PALD1: variants seen among roughly 807,000 people sequenced by gnomAD.
The protein encoded by PALD1 is phosphatase domain containing paladin 1.
In PALD1, 57 loss-of-function variants were observed where a neutral mutation model predicts 96.0. That is an observed-to-expected ratio of 0.59 (90% CI 0.48 to 0.74). PALD1 has a LOEUF of 0.74. Ranked by LOEUF, PALD1 falls within the 30% of genes least tolerant of loss-of-function variation. PALD1 has a pLI of 0.00. For synonymous variants in PALD1, 464 were observed against 473.6 expected, an observed-to-expected ratio of 0.98 and a Z score of 0.26; for missense variants, 1,063 against 1,143.7, an observed-to-expected ratio of 0.93 and a Z score of 1.02.
In PALD1 at chr10:70,538,285, G is replaced by T; in HGVS notation, c.1329G>T (p.Pro443=). Reference sequence around the variant, plus strand: ...CTCTCTGCCTCGGGCTGCAGTACCCGCTGGCCTTTGCCCTCAGTTTCAGCC... The same window carrying T: ...CTCTCTGCCTCGGGCTGCAGTACCCTCTGGCCTTTGCCCTCAGTTTCAGCC... ...LFNYYLHEQY[P]LAFALSFSRW... is the part of the protein sequence containing the mutation. The change falls in exon 12 of 20, where the codon CCG becomes CCT. Residue 443 remains proline, a synonymous_variant. Coordinates refer to ENST00000263563, the MANE Select transcript of PALD1 (RefSeq NM_014431.3). 6.2e-7 allele frequency: 1 copy of T among 1,602,080 alleles called. No individual in the cohort carries two copies. The highest frequency in any genetic ancestry group is 1.1e-5 in the South Asian group (1 of 91,064).
At chr10:70,536,498 G>A (rs1009197119) in intron 10 of PALD1, among the ~76,000 whole-genome samples, 1 of 152,200 alleles carries the variant, frequency 6.6e-6, no homozygotes, top group Non-Finnish European at 1.5e-5. Context: ...AGGCTGTTGT[G>A]TATTTAGGAT....
In PALD1 at chr10:70,479,016, CG is replaced by C. The variant is rs1372024614; in HGVS notation, c.-71del. On this transcript the variant is annotated 5_prime_UTR_variant, in exon 1 of 20. It removes the in-frame stop codon of an upstream open reading frame in the 5' UTR. Coordinates refer to ENST00000263563, the MANE Select transcript of PALD1 (RefSeq NM_014431.3). ...CGCCCGCAGTTCGGGCGCAGCACGC[CG>C]GCCGCAGGAGCACGGATGCCCCCCG... is the stretch of plus-strand genomic sequence containing the variant. 6.6e-6 allele frequency: 1 copy of C among 152,052 alleles called. No homozygotes were observed. The highest frequency in any genetic ancestry group is 1.5e-5 in the Non-Finnish European group (1 of 68,032). 9.4% of individuals were successfully genotyped at this position (152,052 alleles called of 1,614,324 possible).
At chr10:70,463,222 G>A in the PALD1 span, among the ~76,000 whole-genome samples, 1 of 152,168 alleles carries the variant, frequency 6.6e-6, no homozygotes, top group African/African-American at 2.4e-5. Flanking sequence ...GGCTAACACG[G>A]TGAAAACCCA....
chr10:70,547,141 C>A (rs1009075218), intron 17 of PALD1, among the ~76,000 whole-genome samples, 165 bp from the exon 18 acceptor site: 7 of 152,258 alleles, frequency 4.6e-5, no homozygotes, highest in African/African-American at 1.7e-4. Flanking sequence ...TGTTCAGGAT[C>A]CCCCTGTCCT....
rs149620522 is a variant in PALD1, at chr10:70,508,843, C to CTCTGTGTGTGTGTGTG, written c.-29-17079_-29-17078insCTGTGTGTGTGTGTGT. Among the ~76,000 whole-genome samples the CTCTGTGTGTGTGTGTG allele has an allele frequency of 9.5e-5, 9 of 94,612 alleles. 1 individual carries two copies. The East Asian group carries it at 2.2e-3, about 23-fold the overall frequency. The allele number at this position is 94,612 out of a possible 152,430, so 62.1% of individuals were successfully genotyped here. ...TGCAGGCCTGTGGGAGCTGCGGAAC[C>CTCTGTGTGTGTGTGTG]TGTGTGTGTGTGTGCAGGCCTGTGG... On this transcript the variant is annotated intron_variant, in intron 1 of 19. Transcript: ENST00000263563.
At chr10:70,513,025 T>C (rs1328053572) in intron 1 of PALD1, among the ~76,000 whole-genome samples, 6 of 152,236 alleles carry the variant, frequency 3.9e-5, no homozygotes, top group Non-Finnish European at 7.3e-5. Flanking sequence ...TTTTTGCCTG[T>C]GGGCCACAAG....
At chr10:70,516,967 A>T (rs924130248) in intron 1 of PALD1, among the ~76,000 whole-genome samples, 1 of 151,992 alleles carries the variant, frequency 6.6e-6, no homozygotes, top group East Asian at 1.9e-4. Context: ...GACCAGCCAG[A>T]TTTCCAGGGC....
At position 70,525,586 on chromosome 10, in the gene PALD1, C is replaced by G. The variant is rs375992597; in HGVS notation, c.-29-337C>G. Among the ~76,000 whole-genome samples the G allele has an allele frequency of 1.1e-4, 17 of 152,200 alleles. No individual in the cohort carries two copies. In the South Asian group the frequency reaches 1.5e-3, roughly 13 times the overall value. On this transcript the variant is annotated intron_variant, in intron 1 of 19. Transcript: ENST00000263563. The stretch of plus-strand genomic sequence containing the variant: ...CTTTGTCTATACCACCTGAAATAGT[C>G]ACTTTGAACTCTAGGCCCTGACCTG...
chr10:70,530,009 C>A lies in PALD1; in HGVS notation c.409C>A (p.Gln137Lys). The A allele has an allele frequency of 6.3e-7, 1 of 1,597,230 alleles. No homozygotes were observed. The highest frequency in any genetic ancestry group is 1.1e-5 in the South Asian group (1 of 88,980). ...TGGGCTCACTGTGTTCGGCATGGGA[C>A]AGCCCAGCCTCTCAGGGTTCAGGCG... Reference protein sequence around the residue: ...QGGLTVFGMGQPSLSGFRRVL... With the variant: ...QGGLTVFGMGKPSLSGFRRVL... Residue 137 changes from glutamine to lysine, a missense_variant, in exon 4 of 20, where the codon CAG becomes AAG. Physicochemically the swap from Gln to Lys is moderately conservative, Grantham distance 53 (BLOSUM62 1). Transcript: ENST00000263563.
At chr10:70,565,800 G>A (rs1847836198) in intron 19 of PALD1, among the ~76,000 whole-genome samples, 1 of 152,120 alleles carries the variant, frequency 6.6e-6, no homozygotes, top group South Asian at 2.1e-4. Context: ...AGGTGGAAGG[G>A]GATGAGGACA....
At chr10:70,479,579 A>T (rs943757784) in intron 1 of PALD1, among the ~76,000 whole-genome samples, 1 of 152,104 alleles carries the variant, frequency 6.6e-6, no homozygotes, top group Non-Finnish European at 1.5e-5. Flanking sequence ...TACGTTTTTC[A>T]GTTTCAGAGG....
At chr10:70,467,481 C>T in the PALD1 span, among the ~76,000 whole-genome samples, 36 of 152,018 alleles carry the variant, frequency 2.4e-4, no homozygotes, top group Non-Finnish European at 4.6e-4. Flanking sequence ...AAGTGGATGT[C>T]GGGTTCATGT....
the PALD1 span, among the ~76,000 whole-genome samples, chr10:70,459,538 G>T: frequency 3.3e-5 from 5 of 152,188 alleles, no homozygotes; most frequent in Non-Finnish European, 7.3e-5. Flanking sequence ...GCTGGGCAGT[G>T]CCAACCTGGC....
At chr10:70,493,561 G>A (rs1434193577) in intron 1 of PALD1, among the ~76,000 whole-genome samples, 1 of 152,204 alleles carries the variant, frequency 6.6e-6, no homozygotes, top group Non-Finnish European at 1.5e-5. Flanking sequence ...GCTGAGGGTG[G>A]CGTTGGCCCC....
At chr10:70,510,386 C>T (rs903654801) in intron 1 of PALD1, among the ~76,000 whole-genome samples, 2 of 152,194 alleles carry the variant, frequency 1.3e-5, no homozygotes, top group Non-Finnish European at 2.9e-5. Flanking sequence ...CTCTGAGTTT[C>T]TGCTGACCTT....
In PALD1 at chr10:70,534,509, G is replaced by A. The variant is rs1847068262; in HGVS notation, c.1107G>A (p.Arg369=). The A allele has an allele frequency of 6.2e-7, 1 of 1,611,688 alleles. No homozygotes were observed. Among genetic ancestry groups the A allele is most frequent in the Non-Finnish European group, 8.5e-7 (1 of 1,178,688 alleles). The change falls in exon 9 of 20, where the codon AGG becomes AGA. Residue 369 remains arginine, a synonymous_variant. Transcript: ENST00000263563. ...TTCTCCGCATGGTGCCCCAGGGAAG[G>A]AGGATGGTGGAAGAGGTGAGTGAGG... ...QSFLRMVPQG[R]RMVEEVDRAI...
At chr10:70,464,981 G>T in the PALD1 span, among the ~76,000 whole-genome samples, 1 of 145,448 alleles carries the variant, frequency 6.9e-6, no homozygotes, top group African/African-American at 2.6e-5. Context: ...ATGTATGTAT[G>T]TATGTATGTT....
At chr10:70,470,887 C>T in the PALD1 span, among the ~76,000 whole-genome samples, 12 of 151,482 alleles carry the variant, frequency 7.9e-5, no homozygotes, top group South Asian at 2.1e-4. Context: ...CCGCAACCTC[C>T]GCCTCCTGGG....
the PALD1 span, among the ~76,000 whole-genome samples, chr10:70,462,100 A>T: frequency 2.0e-5 from 3 of 152,182 alleles, no homozygotes; most frequent in Non-Finnish European, 4.4e-5. Context: ...GCTTGGCATC[A>T]TGATTATCTA....
Sources: allele counts gnomAD v4.1 joint callset (sites outside exome capture counted in the v4.1 genomes callset), GRCh38; gene constraint gnomAD v4.1.1; transcripts MANE v1.5; gene names NCBI Gene and HGNC (gene_info 2026-07-23, HGNC 2026-07-21).